TBC1D23: variants seen among roughly 807,000 people sequenced by gnomAD.
TBC1D23 encodes the protein HCV non-structural protein 4A-transactivated protein 1.
Under a neutral mutation model 91.4 loss-of-function variants are expected in TBC1D23, and 55 were observed. The observed-to-expected ratio is 0.60, with a 90% CI of 0.48 to 0.75. The LOEUF (loss-of-function observed/expected upper bound fraction) is 0.75. TBC1D23 is among the 30% of genes least tolerant of loss of function. The pLI, the probability that TBC1D23 is intolerant of heterozygous loss-of-function variation, is 0.00. For missense variants in TBC1D23, 725 were observed against 836.1 expected, an observed-to-expected ratio of 0.87 and a Z score of 1.64; for synonymous variants, 289 against 281.0, an observed-to-expected ratio of 1.03 and a Z score of -0.28.
chr3:100,322,746 GT>G (rs1383071619), intron 18 of TBC1D23, among the ~76,000 whole-genome samples: 3 of 151,912 alleles, frequency 2.0e-5, no homozygotes, highest in Non-Finnish European at 4.4e-5. Flanking sequence ...ATAAATTGAA[GT>G]TTATTATATA....
intron 16 of TBC1D23, among the ~76,000 whole-genome samples, chr3:100,317,145 G>A (rs372733877): frequency 2.0e-5 from 3 of 151,886 alleles, no homozygotes; most frequent in African/African-American, 7.2e-5. Context: ...TCCTAATTAA[G>A]CAATCATAAC....
intron 10 of TBC1D23, among the ~76,000 whole-genome samples, chr3:100,301,268 G>A (rs1361410300): frequency 4.1e-5 from 3 of 72,994 alleles, no homozygotes; most frequent in Admixed American, 1.6e-4. Context: ...GGGAGATTCC[G>A]TCTCAAAAAA....
At chr3:100,294,808 A>G (rs2067823720) in intron 5 of TBC1D23, among the ~76,000 whole-genome samples, 1 of 152,362 alleles carries the variant, frequency 6.6e-6, no homozygotes, top group East Asian at 1.9e-4. Flanking sequence ...TCACAATAAT[A>G]GTAGAAGATG....
At position 100,302,213 on chromosome 3, in the gene TBC1D23, C is replaced by T. The variant is rs1363900741; in HGVS notation, c.1239C>T (p.Asn413=). 1.2e-6 allele frequency: 2 copies of T among 1,613,574 alleles called. No homozygotes were observed. Among genetic ancestry groups the T allele is most frequent in the Non-Finnish European group, 1.7e-6 (2 of 1,179,798 alleles). ...SGREEEDMYM[N]MVLAHFLQKN... is the part of the protein sequence containing the mutation. ...GGGAGGAAGAAGACATGTATATGAA[C>T]ATGGTCCTGGCACACTTTTTACAGG... is the stretch of plus-strand genomic sequence containing the variant. Residue 413 remains asparagine, a synonymous_variant, in exon 11 of 19, where the codon AAC becomes AAT. Transcript: ENST00000394144.
intron 8 of TBC1D23, among the ~76,000 whole-genome samples, chr3:100,297,461 G>T (rs1014241737): frequency 2.0e-5 from 3 of 152,048 alleles, no homozygotes; most frequent in African/African-American, 4.8e-5. Context: ...GAATGAAAAA[G>T]AAGTCTTATT....
In TBC1D23 at chr3:100,324,919, A is replaced by C. The variant is rs978019492; in HGVS notation, c.*1251A>C. On this transcript the variant is annotated 3_prime_UTR_variant, in exon 19 of 19. Coordinates refer to ENST00000394144, the MANE Select transcript of TBC1D23 (RefSeq NM_001199198.3). ...AGATGTACCCTGTTAACAGCCAGTCATTTTGATTTACTTATGGAAATCAAG... is the reference window on the plus strand; with the variant it reads ...AGATGTACCCTGTTAACAGCCAGTCCTTTTGATTTACTTATGGAAATCAAG... The C allele has an allele frequency of 1.2e-4, 19 of 152,354 alleles. No individual in the cohort carries two copies. The highest frequency in any genetic ancestry group is 4.6e-4 in the African/African-American group (19 of 41,582). 9.4% of individuals were successfully genotyped at this position (152,354 alleles called of 1,614,324 possible).
At chr3:100,302,301 T>G (rs1044673280) in intron 11 of TBC1D23, 64 bp downstream of exon 11, 34 of 1,344,966 alleles carry the variant, frequency 2.5e-5, no homozygotes, top group Non-Finnish European at 3.1e-5. Flanking sequence ...AAAATTTACA[T>G]AGATAACTTT....
rs3217494 is a variant in TBC1D23, at chr3:100,306,766, GC to G, written c.1413+224del. Reference sequence around the variant, plus strand: ...GCCTTCACAGTTAAACTAGGTGGGAGCTCTTGAAGTTCAGCTGCTGAATTCA... The same window carrying G: ...GCCTTCACAGTTAAACTAGGTGGGAGTCTTGAAGTTCAGCTGCTGAATTCA... On this transcript the variant is annotated intron_variant, in intron 13 of 18. Transcript: ENST00000394144. Among the ~76,000 whole-genome samples, 24,858 of 152,134 alleles carry G rather than the reference GC, an allele frequency of 0.16. 4,596 individuals are homozygous for G. The highest frequency in any genetic ancestry group is 0.44 in the African/African-American group (18,257 of 41,432).
Position 100,296,281 on chromosome 3 carries a change from A to AT in TBC1D23, c.876+6_876+7insT. The AT allele has an allele frequency of 6.6e-7, 1 of 1,506,932 alleles. No homozygotes were observed. The highest frequency in any genetic ancestry group is 9.1e-7 in the Non-Finnish European group (1 of 1,097,858). 93.3% of individuals were successfully genotyped at this position (1,506,932 alleles called of 1,614,324 possible). ...CACCGGCTTCTTTTAGGAAGGTATA[A>AT]GACCAGAAATGACCAACTATGTTGT... On this transcript the variant is annotated splice_region_variant and intron_variant, in intron 8 of 18. Transcript: ENST00000394144.
At chr3:100,316,757 C>A (rs1488577366) in intron 16 of TBC1D23, among the ~76,000 whole-genome samples, 1 of 151,894 alleles carries the variant, frequency 6.6e-6, no homozygotes, top group Non-Finnish European at 1.5e-5. Context: ...GATGGTGATA[C>A]TGTGTCAGGG....
chr3:100,275,364 T>A (rs1008510233), intron 1 of TBC1D23, among the ~76,000 whole-genome samples: 2 of 152,160 alleles, frequency 1.3e-5, no homozygotes, highest in African/African-American at 4.8e-5. Flanking sequence ...TTGGCCTTAC[T>A]GCAGCCTCTG....
chr3:100,287,824 G>C (rs970210615), intron 4 of TBC1D23, among the ~76,000 whole-genome samples: 3 of 150,554 alleles, frequency 2.0e-5, no homozygotes, highest in African/African-American at 7.3e-5. Context: ...TTACTATGTT[G>C]TCTAGGCTGG....
chr3:100,279,768 G>T lies in TBC1D23; in HGVS notation c.165+8G>T. On this transcript the variant is annotated splice_region_variant and intron_variant, in intron 2 of 18. Coordinates refer to ENST00000394144, the MANE Select transcript of TBC1D23 (RefSeq NM_001199198.3). ...AGGGCCAAAGTTTGGAAGGTAACTAGAAACTAAAATGAATAAAATGTAATC... is the reference window on the plus strand; with the variant it reads ...AGGGCCAAAGTTTGGAAGGTAACTATAAACTAAAATGAATAAAATGTAATC... 1 of 1,506,488 alleles carries T rather than the reference G, an allele frequency of 6.6e-7. No individual in the cohort carries two copies. The highest frequency in any genetic ancestry group is 1.2e-5 in the South Asian group (1 of 83,896). The allele number at this position is 1,506,488 out of a possible 1,614,324, so 93.3% of individuals were successfully genotyped here.
intron 15 of TBC1D23, among the ~76,000 whole-genome samples, chr3:100,313,004 C>T (rs2148869995): frequency 6.9e-6 from 1 of 145,422 alleles, no homozygotes; most frequent in African/African-American, 2.5e-5. Context: ...GAGACTGCGT[C>T]TCAAAAAATA....
intron 1 of TBC1D23, among the ~76,000 whole-genome samples, chr3:100,273,046 G>A (rs1182967911): frequency 6.6e-6 from 1 of 152,186 alleles, no homozygotes; most frequent in East Asian, 1.9e-4. Flanking sequence ...CCCTTTACGG[G>A]TGTCGGGCTA....
intron 4 of TBC1D23, among the ~76,000 whole-genome samples, chr3:100,285,439 T>A (rs1286603017): frequency 1.3e-5 from 2 of 152,256 alleles, no homozygotes; most frequent in African/African-American, 4.8e-5. Flanking sequence ...TTGCCAAATT[T>A]TTTATTGTAT....
At chr3:100,313,395 C>T (rs1203385323) in intron 15 of TBC1D23, among the ~76,000 whole-genome samples, 3 of 152,086 alleles carry the variant, frequency 2.0e-5, no homozygotes, top group African/African-American at 7.2e-5. Context: ...CCTACTCAAA[C>T]CATACTATAG....
At chr3:100,299,657 C>T (rs1486341195) in intron 10 of TBC1D23, among the ~76,000 whole-genome samples, 1 of 152,118 alleles carries the variant, frequency 6.6e-6, no homozygotes, top group African/African-American at 2.4e-5. Flanking sequence ...TTACAGGCAC[C>T]CACCACCAGG....
chr3:100,304,824 TA>T, intron 11 of TBC1D23, 21 bp from the exon 12 acceptor site: 2 of 1,290,338 alleles, frequency 1.5e-6, no homozygotes, highest in Non-Finnish European at 2.3e-6. Context: ...TGGAAGAATT[TA>T]AATTTTCTTT....
Sources: allele counts gnomAD v4.1 joint callset (sites outside exome capture counted in the v4.1 genomes callset), GRCh38; gene constraint gnomAD v4.1.1; transcripts MANE v1.5; gene names NCBI Gene and HGNC (gene_info 2026-07-23, HGNC 2026-07-21).